CCNB2: variants seen among roughly 807,000 people sequenced by gnomAD.
CCNB2 encodes G2/mitotic-specific cyclin-B2.
In CCNB2, 39 loss-of-function variants were observed where a neutral mutation model predicts 51.1. That is an observed-to-expected ratio of 0.76 (90% CI 0.59 to 1.00). The LOEUF (loss-of-function observed/expected upper bound fraction) is 1.00, where lower values mean the gene tolerates loss of function less well. Ranked by LOEUF, CCNB2 falls within the 50% of genes least tolerant of loss-of-function variation. CCNB2 has a pLI of 0.00. For synonymous variants in CCNB2, 174 were observed against 165.5 expected (o/e 1.05, Z -0.40); for missense variants, 472 against 470.3 (o/e 1.00, Z -0.03).
intron 3 of CCNB2, among the ~76,000 whole-genome samples, chr15:59,111,862 T>C (rs1294009873): frequency 6.7e-6 from 1 of 150,026 alleles, no homozygotes; most frequent in African/African-American, 2.4e-5. Context: ...CTTTCTTTTT[T>C]TTTTTTTTTT....
intron 1 of CCNB2, 67 bp downstream of exon 1, chr15:59,105,359 C>G (rs2079231184): frequency 6.0e-6 from 9 of 1,498,906 alleles, no homozygotes; most frequent in Non-Finnish European, 8.1e-6. Context: ...TGTCGCTTCT[C>G]TCATCTGCTC....
rs2079270286 is a variant in CCNB2, at chr15:59,114,518, C to T, written c.342C>T (p.Leu114=). The change falls in exon 4 of 9, where the codon CTC becomes CTT. Residue 114 remains leucine (L), a synonymous_variant. Coordinates refer to ENST00000288207, the MANE Select transcript of CCNB2 (RefSeq NM_004701.4). ...GCCAAGCTTTTTCTGATGCCTTGCT[C>T]TGCAAAATCGAGGACATTGATAACG... ...NLCQAFSDAL[L]CKIEDIDNED... is the part of the protein sequence containing the mutation. 1.2e-6 allele frequency: 2 copies of T among 1,613,992 alleles called. No homozygotes were observed. The highest frequency in any genetic ancestry group is 1.1e-5 in the South Asian group (1 of 91,056).
At chr15:59,118,529 C>G (rs895739056) in intron 7 of CCNB2, among the ~76,000 whole-genome samples, 1 of 152,162 alleles carries the variant, frequency 6.6e-6, no homozygotes, top group Admixed American at 6.6e-5. Context: ...ACTAAAAATA[C>G]AAAAATTAGC....
chr15:59,107,529 C>G (rs369361404), intron 2 of CCNB2, 28 bp from the exon 3 acceptor site: 4 of 1,613,280 alleles, frequency 2.5e-6, no homozygotes, highest in Non-Finnish European at 3.4e-6. Flanking sequence ...GGCTGTCTTG[C>G]GCTATTCATG....
chr15:59,115,532 A>C (rs58321899), intron 5 of CCNB2: 2 of 152,044 alleles, frequency 1.3e-5, no homozygotes, highest in African/African-American at 4.8e-5. Context: ...GTTATCTACC[A>C]AACAATAGCC....
At chr15:59,109,098 T>A (rs2079247393) in intron 3 of CCNB2, among the ~76,000 whole-genome samples, 1 of 152,214 alleles carries the variant, frequency 6.6e-6, no homozygotes, top group African/African-American at 2.4e-5. Flanking sequence ...TCGCCCAGGC[T>A]GCAGTTCAGT....
intron 3 of CCNB2, among the ~76,000 whole-genome samples, chr15:59,111,840 T>TTTTC (rs200805265): frequency 0.017 from 2,572 of 150,014 alleles, 44 homozygotes; most frequent in African/African-American, 0.035. Flanking sequence ...TATTCTATTC[T>TTTTC]TTTCTTTCTT....
intron 7 of CCNB2, among the ~76,000 whole-genome samples, chr15:59,118,251 CAA>C (rs1408061383): frequency 3.3e-5 from 5 of 152,292 alleles, no homozygotes; most frequent in African/African-American, 1.2e-4. Flanking sequence ...AATGTGGAAA[CAA>C]ATGGAGCTGG....
intron 1 of CCNB2, 87 bp from the exon 2 acceptor site, chr15:59,107,235 C>T: frequency 7.9e-7 from 1 of 1,264,732 alleles, no homozygotes; most frequent in Non-Finnish European, 1.1e-6. Context: ...TGTCCTTTCC[C>T]AAAGCAATTC....
At chr15:59,120,648 T>G (rs1216187611) in intron 7 of CCNB2, among the ~76,000 whole-genome samples, 1 of 152,108 alleles carries the variant, frequency 6.6e-6, no homozygotes, top group African/African-American at 2.4e-5. Flanking sequence ...CTAATTAAAG[T>G]AGAATGATAG....
chr15:59,109,859 G>T (rs922743219), intron 3 of CCNB2, among the ~76,000 whole-genome samples: 1 of 152,098 alleles, frequency 6.6e-6, no homozygotes, highest in African/African-American at 2.4e-5. Context: ...GGTGGTGGGC[G>T]CCTGTAGTCC....
chr15:59,119,472 A>AAAC (rs1195352693), intron 7 of CCNB2, among the ~76,000 whole-genome samples: 2 of 151,192 alleles, frequency 1.3e-5, no homozygotes, highest in African/African-American at 2.5e-5. Flanking sequence ...AAAAAAAAAA[A>AAAC]AAAAACAAAT....
At chr15:59,107,494 G>C (rs769644954) in intron 2 of CCNB2, 44 bp downstream of exon 2, 9 of 1,613,750 alleles carry the variant, frequency 5.6e-6, no homozygotes, top group African/African-American at 4.0e-5. Context: ...GGCCGATTCT[G>C]TATAGTGCTG....
chr15:59,116,974 T>G (rs1328769789), intron 6 of CCNB2, 48 bp downstream of exon 6: 1 of 1,456,786 alleles, frequency 6.9e-7, no homozygotes, highest in East Asian at 2.3e-5. Flanking sequence ...TGGTGTCTCA[T>G]CCCAGAAACC....
chr15:59,112,680 T>C (rs1426391430), intron 3 of CCNB2, among the ~76,000 whole-genome samples: 3 of 152,102 alleles, frequency 2.0e-5, no homozygotes, highest in Non-Finnish European at 4.4e-5. Context: ...ATTACCTTAA[T>C]ATATATTTGT....
At chr15:59,110,769 C>T (rs747624729) in intron 3 of CCNB2, among the ~76,000 whole-genome samples, 9 of 152,194 alleles carry the variant, frequency 5.9e-5, no homozygotes, top group Non-Finnish European at 8.8e-5. Context: ...GGAAGAGTTC[C>T]AGCCCTTTAC....
At chr15:59,116,256 T>A (rs1470060216) in intron 5 of CCNB2, among the ~76,000 whole-genome samples, 4 of 152,198 alleles carry the variant, frequency 2.6e-5, no homozygotes. Flanking sequence ...CTCATTTCTA[T>A]TCAGACCATG....
intron 7 of CCNB2, among the ~76,000 whole-genome samples, chr15:59,119,617 G>A (rs1007400837): frequency 2.0e-4 from 30 of 152,064 alleles, no homozygotes; most frequent in African/African-American, 6.0e-4. Context: ...TTATAATTTT[G>A]GAACTAGTTT....
At chr15:59,112,597 G>A (rs536858688) in intron 3 of CCNB2, among the ~76,000 whole-genome samples, 25 of 151,706 alleles carry the variant, frequency 1.6e-4, no homozygotes, top group South Asian at 1.5e-3. Context: ...CACCCACCTT[G>A]GCCTCCCAAA....
Sources: allele counts gnomAD v4.1 joint callset (sites outside exome capture counted in the v4.1 genomes callset), GRCh38; gene constraint gnomAD v4.1.1; transcripts MANE v1.5; gene names NCBI Gene and HGNC (gene_info 2026-07-23, HGNC 2026-07-21).